The following GNAO1 variants were observed in gnomAD, a reference collection of about 807,000 sequenced individuals.
GNAO1 encodes the protein G protein subunit alpha o1, also known as guanine nucleotide-binding protein G(o) subunit alpha.
For synonymous variants in GNAO1, 164 were observed against 180.7 expected, an observed-to-expected ratio of 0.91 and a Z score of 0.74; for missense variants, 166 against 478.7, an observed-to-expected ratio of 0.35 and a Z score of 6.10.
At position 56,356,993 on chromosome 16, in the gene GNAO1, A is replaced by T. The variant is rs2037975669; in HGVS notation, c.*919A>T. On this transcript the variant is annotated 3_prime_UTR_variant, in exon 9 of 9. Coordinates refer to ENST00000262493, the MANE Select transcript of GNAO1 (RefSeq NM_020988.3). ...TTCGGTGCCCTGTGTCCGCTCTCTC[A>T]TGTGGGGATGTTTGTGCTGCAGACA... is the stretch of plus-strand genomic sequence containing the variant. 6.6e-6 allele frequency: 1 copy of T among 150,508 alleles called. No homozygotes were observed. Among genetic ancestry groups the T allele is most frequent in the African/African-American group, 2.4e-5 (1 of 40,828 alleles). The allele number at this position is 150,508 out of a possible 1,614,324, so 9.3% of individuals were successfully genotyped here.
intron 4 of GNAO1, among the ~76,000 whole-genome samples, chr16:56,329,416 G>T (rs1478373021): frequency 1.3e-5 from 2 of 152,192 alleles, no homozygotes; most frequent in African/African-American, 4.8e-5. Flanking sequence ...GTGGGAAGTG[G>T]TAAAAGCTGG....
intron 2 of GNAO1, among the ~76,000 whole-genome samples, chr16:56,257,736 T>C (rs2036865672): frequency 6.6e-6 from 1 of 152,246 alleles, no homozygotes; most frequent in Non-Finnish European, 1.5e-5. Context: ...CTTACCAACA[T>C]GCAGGAAACA....
Position 56,264,094 on chromosome 16 carries a change from TCCA to T in GNAO1, c.162-11830_162-11828del, listed in dbSNP as rs1425479251. On this transcript the variant is annotated intron_variant, in intron 2 of 8. Transcript: ENST00000262493. ...GACAGAGCTGCCTTGAAGGACTTCCTCCACCACCAAGGGGGAGCCCCAGGCCAG... is the reference window on the plus strand; with the variant it reads ...GACAGAGCTGCCTTGAAGGACTTCCTCCACCAAGGGGGAGCCCCAGGCCAG... 2.6e-5 allele frequency among the ~76,000 whole-genome samples: 4 copies of T among 152,300 alleles called. No homozygotes were observed. The East Asian group carries it at 7.7e-4, about 29-fold the overall frequency.
chr16:56,228,731 GGGCACATCTCCT>G (rs1232133432), intron 2 of GNAO1, among the ~76,000 whole-genome samples: 21 of 152,148 alleles, frequency 1.4e-4, no homozygotes, highest in Non-Finnish European at 2.9e-4. Flanking sequence ...AGCATGCTGT[GGGCACATCTCCT>G]GGCCACACTG....
In GNAO1 at chr16:56,356,211, C is replaced by T. The variant is rs767846065; in HGVS notation, c.*137C>T. ...TATCAAGCCCCTGTCTAACCTACGA[C>T]CCCAGAGTGACTGACGGCTGTGTAT... On this transcript the variant is annotated 3_prime_UTR_variant, in exon 9 of 9. Coordinates refer to ENST00000262493, the MANE Select transcript of GNAO1 (RefSeq NM_020988.3). The T allele has an allele frequency of 4.6e-5, 7 of 152,644 alleles. No individual in the cohort carries two copies. The highest frequency in any genetic ancestry group is 8.8e-5 in the Non-Finnish European group (6 of 68,056). The allele number at this position is 152,644 out of a possible 1,614,324, so 9.5% of individuals were successfully genotyped here.
At chr16:56,213,785 G>A (rs1053654479) in intron 2 of GNAO1, among the ~76,000 whole-genome samples, 2 of 152,118 alleles carry the variant, frequency 1.3e-5, no homozygotes, top group African/African-American at 4.8e-5. Flanking sequence ...TCCAAGTCCC[G>A]AGTCTGCCCG....
intron 3 of GNAO1, among the ~76,000 whole-genome samples, chr16:56,281,392 C>G (rs1027367396): frequency 1.3e-5 from 2 of 152,180 alleles, no homozygotes; most frequent in Non-Finnish European, 2.9e-5. Context: ...CCTTACCCCC[C>G]TGGGTTCTCC....
Position 56,340,663 on chromosome 16 carries a change from C to T in GNAO1, c.723+3803C>T, listed in dbSNP as rs538346500. On this transcript the variant is annotated intron_variant, in intron 6 of 8. Transcript: ENST00000262493. The stretch of plus-strand genomic sequence containing the variant: ...CGTGTGGAATGAAACAGGACCACGT[C>T]CCGTCTGTCCTTGTGGGTCCTCCCG... 1.3e-4 allele frequency: 86 copies of T among 661,176 alleles called. 1 individual carries two copies. The South Asian group carries it at 1.5e-3, about 12-fold the overall frequency. The allele number at this position is 661,176 out of a possible 1,614,324, so 41.0% of individuals were successfully genotyped here. A position where few individuals can be genotyped will look rare whatever the true frequency, so the allele number is the denominator to read the frequency against.
At chr16:56,279,958 G>A (rs1373531397) in intron 3 of GNAO1, among the ~76,000 whole-genome samples, 4 of 152,228 alleles carry the variant, frequency 2.6e-5, no homozygotes, top group Non-Finnish European at 5.9e-5. Context: ...TCAGCACTTA[G>A]TAGGACTTCA....
chr16:56,353,910 A>G (rs531373959), intron 7 of GNAO1, among the ~76,000 whole-genome samples: 2 of 152,324 alleles, frequency 1.3e-5, no homozygotes, highest in South Asian at 2.1e-4. Flanking sequence ...CACCCAAGGA[A>G]TTGGTGGGGA....
At chr16:56,317,742 G>A (rs1257462433) in intron 3 of GNAO1, among the ~76,000 whole-genome samples, 1 of 152,084 alleles carries the variant, frequency 6.6e-6, no homozygotes, top group South Asian at 2.1e-4. Context: ...ATGATGGGTG[G>A]ATTTGAAAGA....
intron 6 of GNAO1, among the ~76,000 whole-genome samples, chr16:56,350,600 C>T (rs1333983783): frequency 6.6e-6 from 1 of 152,180 alleles, no homozygotes; most frequent in African/African-American, 2.4e-5. Flanking sequence ...ATCTGCCTTG[C>T]TTAGAACATC....
At position 56,351,852 on chromosome 16, in the gene GNAO1, G is replaced by T; in HGVS notation, c.877+315G>T. ...TTCCTCCTGGTCACCCTCTAGAAGA[G>T]GTCTCAGGACAGCCTCCTGTAATCT... On this transcript the variant is annotated intron_variant, in intron 7 of 8. Transcript: ENST00000262493. This position sits in a 1 kb window ranked among gnomAD's most constrained non-coding sequence, Gnocchi z 6.1. 3.3e-6 allele frequency: 1 copy of T among 303,652 alleles called. No individual in the cohort carries two copies. The highest frequency in any genetic ancestry group is 6.2e-6 in the Non-Finnish European group (1 of 161,468). 18.8% of individuals were successfully genotyped at this position (303,652 alleles called of 1,614,324 possible).
At chr16:56,221,968 T>G (rs1298779104) in intron 2 of GNAO1, among the ~76,000 whole-genome samples, 2 of 152,192 alleles carry the variant, frequency 1.3e-5, no homozygotes, top group African/African-American at 4.8e-5. Context: ...TCTGCTTCTA[T>G]GCAGGGATGG....
chr16:56,307,072 G>C (rs1377984198), intron 3 of GNAO1: 1 of 152,416 alleles, frequency 6.6e-6, no homozygotes, highest in Non-Finnish European at 1.5e-5. Context: ...TCACTGGACA[G>C]AACTCTGGCC....
intron 6 of GNAO1, chr16:56,343,712 G>A (rs547727390): frequency 5.4e-6 from 8 of 1,469,466 alleles, no homozygotes; most frequent in South Asian, 3.7e-5. Context: ...TCCATGCCAA[G>A]CAGTCCCATG....
rs1363655749 is a variant in GNAO1, at chr16:56,328,516, C to T, written c.304-115C>T. ...AGCAGGCTGTGGGCTGAGCTGCGGT[C>T]CTGCTGCACTGGCTGGGCTCTCATC... On this transcript the variant is annotated intron_variant, in intron 3 of 8. Coordinates refer to ENST00000262493, the MANE Select transcript of GNAO1 (RefSeq NM_020988.3). The T allele has an allele frequency of 3.8e-6, 4 of 1,054,282 alleles. No individual in the cohort carries two copies. In the African/African-American group the frequency reaches 6.3e-5, roughly 17 times the overall value. 65.3% of individuals were successfully genotyped at this position (1,054,282 alleles called of 1,614,324 possible).
intron 2 of GNAO1, among the ~76,000 whole-genome samples, chr16:56,263,526 G>T (rs1039946304): frequency 6.6e-6 from 1 of 152,168 alleles, no homozygotes; most frequent in Non-Finnish European, 1.5e-5. Context: ...AATAATGTAG[G>T]GAAGGGGCCG....
Position 56,351,896 on chromosome 16 carries a change from A to C in GNAO1, c.877+359A>C. The C allele has an allele frequency of 4.7e-6, 1 of 212,908 alleles. No individual in the cohort carries two copies. Among genetic ancestry groups the C allele is most frequent in the Non-Finnish European group, 9.4e-6 (1 of 106,478 alleles). The allele number at this position is 212,908 out of a possible 1,614,324, so 13.2% of individuals were successfully genotyped here. On this transcript the variant is annotated intron_variant, in intron 7 of 8. Transcript: ENST00000262493. This position sits in a 1 kb window ranked among gnomAD's most constrained non-coding sequence, Gnocchi z 6.1. ...GTAATCTCAGCAGTGGCCTCCCCTC[A>C]CCCCTGCCCAGAGCCCCACAGCACC...
Sources: allele counts gnomAD v4.1 joint callset (sites outside exome capture counted in the v4.1 genomes callset), GRCh38; gene constraint gnomAD v4.1.1; non-coding constraint Gnocchi (gnomAD v3.1); transcripts MANE v1.5; gene names NCBI Gene and HGNC (gene_info 2026-07-23, HGNC 2026-07-21).